LSM8: variants seen among roughly 807,000 people sequenced by gnomAD.
The protein encoded by LSM8 is LSM8 U6 small nuclear RNA associated.
A neutral mutation model predicts 15.0 loss-of-function variants in LSM8; 14 were observed. The observed-to-expected ratio is 0.93, with a 90% confidence interval of 0.62 to 1.46. LSM8 has a LOEUF of 1.46. Among genes scored for constraint, LSM8 ranks in the 40% most tolerant of loss-of-function variants. The pLI is 0.00. For synonymous variants in LSM8, 50 were observed against 42.1 expected, an observed-to-expected ratio of 1.19 and a Z score of -0.73; for missense variants, 90 against 115.4, an observed-to-expected ratio of 0.78 and a Z score of 1.01.
rs1028857254 is a variant in LSM8 at position 118,197,130 on chromosome 7, T to TA, written c.*5129dup. ...CATCAATGTCCCTACAAGGATATGA[T>TA]ACGCTTTCTCTCTTCTCTTTAGGGT... On this transcript the variant is annotated 3_prime_UTR_variant, in exon 4 of 4. Coordinates refer to ENST00000249299, the MANE Select transcript of LSM8 (RefSeq NM_016200.5). Among the ~76,000 whole-genome samples the TA allele has an allele frequency of 3.9e-5, 6 of 152,098 alleles. No homozygotes were observed. Among genetic ancestry groups the TA allele is most frequent in the African/African-American group, 1.4e-4 (6 of 41,434 alleles).
chr7:118,188,178 G>C, intron 2 of LSM8, 100 bp from the exon 3 acceptor site: 1 of 1,333,752 alleles, frequency 7.5e-7, no homozygotes, highest in Non-Finnish European at 1.1e-6. Context: ...ATAGGTACTT[G>C]TATTGGAATA....
rs1164897979 is a variant in LSM8 at position 118,196,196 on chromosome 7, G to A, written c.*4194G>A. ...ATGCTCAAAGCTGTGGATAGGCCAG[G>A]GAACAGTATTCTTGTGCTTGTGAAG... On this transcript the variant is annotated 3_prime_UTR_variant, in exon 4 of 4. Coordinates refer to ENST00000249299, the MANE Select transcript of LSM8 (RefSeq NM_016200.5). 6.6e-6 allele frequency among the ~76,000 whole-genome samples: 1 copy of A among 152,122 alleles called. No individual in the cohort carries two copies. The highest frequency in any genetic ancestry group is 1.5e-5 in the Non-Finnish European group (1 of 68,006).
Position 118,201,482 on chromosome 7 carries a change from A to G in LSM8, c.*9480A>G, listed in dbSNP as rs1809173190. On this transcript the variant is annotated 3_prime_UTR_variant, in exon 4 of 4. Transcript: ENST00000249299. ...GAGCCAAAACGGTTCCTTTGCATCA[A>G]TAAATCGCTCTGTGATGCATTTTAT... Among the ~76,000 whole-genome samples the G allele has an allele frequency of 6.6e-6, 1 of 152,232 alleles. No individual in the cohort carries two copies. The highest frequency in any genetic ancestry group is 2.1e-4 in the South Asian group (1 of 4,826).
rs1025070610 is a variant in LSM8, at chr7:118,184,170, G to A, written c.-54G>A. ...TGCCGGGTTCTGGCGCGCCCTTTCA[G>A]TTCTGCTTGCTGTCGGCACCGCTGC... On this transcript the variant is annotated 5_prime_UTR_variant, in exon 1 of 4. Coordinates refer to ENST00000249299, the MANE Select transcript of LSM8 (RefSeq NM_016200.5). The A allele has an allele frequency of 2.1e-5, 33 of 1,543,844 alleles. No homozygotes were observed. The highest frequency in any genetic ancestry group is 4.0e-5 in the Admixed American group (2 of 50,496).
chr7:118,203,308 A>G lies in LSM8; in HGVS notation c.*11306A>G, dbSNP rs145285757. On this transcript the variant is annotated 3_prime_UTR_variant, in exon 4 of 4. Coordinates refer to ENST00000249299, the MANE Select transcript of LSM8 (RefSeq NM_016200.5). The stretch of plus-strand genomic sequence containing the variant: ...GAAAGAAATATAAACCCCTTTTAAA[A>G]CTCACATAATTTTCCCATTTCCCTT... Among the ~76,000 whole-genome samples, 2,799 of 151,860 alleles carry G rather than the reference A, an allele frequency of 0.018. 43 individuals carry two copies. The highest frequency in any genetic ancestry group is 0.077 in the East Asian group (397 of 5,162).
chr7:118,195,330 C>G lies in LSM8; in HGVS notation c.*3328C>G, dbSNP rs963441419. Among the ~76,000 whole-genome samples, 4 of 152,270 alleles carry G rather than the reference C, an allele frequency of 2.6e-5. No individual in the cohort carries two copies. Among genetic ancestry groups the G allele is most frequent in the Admixed American group, 2.6e-4 (4 of 15,290 alleles). ...AGATAAGGATAATAACAGCTATCTT[C>G]TTGGGTTGTAAAAAGTAGCATTAGA... On this transcript the variant is annotated 3_prime_UTR_variant, in exon 4 of 4. Transcript: ENST00000249299.
At chr7:118,191,884 G>C in intron 3 of LSM8, 28 bp from the exon 4 acceptor site, 2 of 1,516,682 alleles carry the variant, frequency 1.3e-6, no homozygotes, top group Non-Finnish European at 1.8e-6. Flanking sequence ...TTTCAGAAAT[G>C]TGATTGTTTT....
rs1016863437 is a variant in LSM8, at chr7:118,200,204, G to C, written c.*8202G>C. ...ATTGTGCAGTAGCCATGAGGGACTA[G>C]GTATCCAAGTGCACATTATATTGGC... On this transcript the variant is annotated 3_prime_UTR_variant, in exon 4 of 4. Transcript: ENST00000249299. 6.6e-6 allele frequency among the ~76,000 whole-genome samples: 1 copy of C among 152,110 alleles called. No homozygotes were observed. Among genetic ancestry groups the C allele is most frequent in the African/African-American group, 2.4e-5 (1 of 41,426 alleles).
Position 118,198,267 on chromosome 7 carries a change from TAAATGAG to T in LSM8, c.*6275_*6281del, listed in dbSNP as rs1277154496. Among the ~76,000 whole-genome samples the T allele has an allele frequency of 1.3e-5, 2 of 152,148 alleles. No individual in the cohort carries two copies. The highest frequency in any genetic ancestry group is 2.9e-5 in the Non-Finnish European group (2 of 68,024). On this transcript the variant is annotated 3_prime_UTR_variant, in exon 4 of 4. Transcript: ENST00000249299. Reference sequence around the variant, plus strand: ...GTTAGATTTCTTTGGTGTGAAAAGATAAATGAGAAATGAGAATATGCCAGAGATCTGA... The same window carrying T: ...GTTAGATTTCTTTGGTGTGAAAAGATAAATGAGAATATGCCAGAGATCTGA...
chr7:118,187,979 A>G (rs889606054), intron 2 of LSM8, among the ~76,000 whole-genome samples: 1 of 152,162 alleles, frequency 6.6e-6, no homozygotes, highest in African/African-American at 2.4e-5. Context: ...GCTGGTCTAC[A>G]TAAGCTTTTA....
chr7:118,197,359 G>A lies in LSM8; in HGVS notation c.*5357G>A, dbSNP rs1243624112. 6.6e-6 allele frequency among the ~76,000 whole-genome samples: 1 copy of A among 152,028 alleles called. No individual in the cohort carries two copies. The highest frequency in any genetic ancestry group is 1.5e-5 in the Non-Finnish European group (1 of 68,004). ...ACATTGTGTCTTGTATTAAAAACTA[G>A]TGTGTGTTGGGGTGGGGAACAGGCA... On this transcript the variant is annotated 3_prime_UTR_variant, in exon 4 of 4. Coordinates refer to ENST00000249299, the MANE Select transcript of LSM8 (RefSeq NM_016200.5).
Position 118,197,730 on chromosome 7 carries a change from A to G in LSM8, c.*5728A>G, listed in dbSNP as rs1333846343. On this transcript the variant is annotated 3_prime_UTR_variant, in exon 4 of 4. Coordinates refer to ENST00000249299, the MANE Select transcript of LSM8 (RefSeq NM_016200.5). ...ATAGGAGGTATGATTTTTAAAAGGA[A>G]ATTGTTGATTAGGGTCTTGGGCTAG... 6.6e-6 allele frequency among the ~76,000 whole-genome samples: 1 copy of G among 152,132 alleles called. No individual in the cohort carries two copies. Among genetic ancestry groups the G allele is most frequent in the Non-Finnish European group, 1.5e-5 (1 of 68,006 alleles).
At position 118,198,726 on chromosome 7, in the gene LSM8, A is replaced by G. The variant is rs1809121697; in HGVS notation, c.*6724A>G. On this transcript the variant is annotated 3_prime_UTR_variant, in exon 4 of 4. Transcript: ENST00000249299. Reference sequence around the variant, plus strand: ...TGGTTGAGTAATAAGGAGTAGACTGACCTCTCTGTACAGTAAAGGCTCAAA... The same window carrying G: ...TGGTTGAGTAATAAGGAGTAGACTGGCCTCTCTGTACAGTAAAGGCTCAAA... Among the ~76,000 whole-genome samples the G allele has an allele frequency of 6.6e-6, 1 of 152,092 alleles. No individual in the cohort carries two copies. The highest frequency in any genetic ancestry group is 1.5e-5 in the Non-Finnish European group (1 of 68,012).
chr7:118,184,164 C>A lies in LSM8; in HGVS notation c.-60C>A. Reference sequence around the variant, plus strand: ...ATCCGCTGCCGGGTTCTGGCGCGCCCTTTCAGTTCTGCTTGCTGTCGGCAC... The same window carrying A: ...ATCCGCTGCCGGGTTCTGGCGCGCCATTTCAGTTCTGCTTGCTGTCGGCAC... On this transcript the variant is annotated 5_prime_UTR_variant, in exon 1 of 4. Coordinates refer to ENST00000249299, the MANE Select transcript of LSM8 (RefSeq NM_016200.5). 1 of 1,543,064 alleles carries A rather than the reference C, an allele frequency of 6.5e-7. No individual in the cohort carries two copies. Among genetic ancestry groups the A allele is most frequent in the South Asian group, 1.2e-5 (1 of 83,784 alleles).
At position 118,201,072 on chromosome 7, in the gene LSM8, A is replaced by C. The variant is rs1809165457; in HGVS notation, c.*9070A>C. ...CACTCATAGTTACTAAAAATGCAAA[A>C]GGCAAATTTGAAATAACTATAAAAA... On this transcript the variant is annotated 3_prime_UTR_variant, in exon 4 of 4. Coordinates refer to ENST00000249299, the MANE Select transcript of LSM8 (RefSeq NM_016200.5). Among the ~76,000 whole-genome samples, 1 of 152,140 alleles carries C rather than the reference A, an allele frequency of 6.6e-6. No individual in the cohort carries two copies. Among genetic ancestry groups the C allele is most frequent in the Admixed American group, 6.6e-5 (1 of 15,238 alleles).
chr7:118,191,027 C>G (rs558667915), intron 3 of LSM8: 1 of 151,952 alleles, frequency 6.6e-6, no homozygotes, highest in Admixed American at 6.6e-5. Context: ...ATCGCTTGAA[C>G]CTGGTAAGTA....
rs1467142698 is a variant in LSM8, at chr7:118,191,932, A to T, written c.221A>T (p.Asp74Val). Reference protein sequence around the residue: ...GDNVAVIGEIDEETDSALDLG... With the variant: ...GDNVAVIGEIVEETDSALDLG... ...TTTAGTGCAGTCATTGGAGAAATCG[A>T]TGAAGAAACAGATTCTGCGCTTGAT... The change falls in exon 4 of 4, where the codon GAT (aspartate) becomes GTT (valine). Residue 74 changes from aspartate to valine, a missense_variant. Physicochemically the swap from Asp to Val is radical, Grantham distance 152 (BLOSUM62 -3). Coordinates refer to ENST00000249299, the MANE Select transcript of LSM8 (RefSeq NM_016200.5). 1 of 1,612,728 alleles carries T rather than the reference A, an allele frequency of 6.2e-7. No individual in the cohort carries two copies. Among genetic ancestry groups the T allele is most frequent in the South Asian group, 1.1e-5 (1 of 90,928 alleles).
rs1421971971 is a variant in LSM8, at chr7:118,196,745, T to TTTATTTAG, written c.*4745_*4746insATTTAGTT. ...ATTTATTTATTTATTTATTTATTTATTTTTGAGACACTTCTTGCTCTTTCG... is the reference window on the plus strand; with the variant it reads ...ATTTATTTATTTATTTATTTATTTATTTATTTAGTTTTGAGACACTTCTTGCTCTTTCG... On this transcript the variant is annotated 3_prime_UTR_variant, in exon 4 of 4. Transcript: ENST00000249299. Among the ~76,000 whole-genome samples, 7 of 138,516 alleles carry TTTATTTAG rather than the reference T, an allele frequency of 5.1e-5. No homozygotes were observed. Among genetic ancestry groups the TTTATTTAG allele is most frequent in the Admixed American group, 1.5e-4 (2 of 13,372 alleles). The allele number at this position is 138,516 out of a possible 152,430, so 90.9% of individuals were successfully genotyped here.
intron 3 of LSM8, 43 bp from the exon 4 acceptor site, chr7:118,191,869 A>G: frequency 1.4e-6 from 2 of 1,462,528 alleles, no homozygotes; most frequent in Middle Eastern, 1.8e-4. Context: ...AACACATGTA[A>G]TTTATTTCAG....
Sources: gnomAD v4.1 joint callset for allele counts (sites outside exome capture counted in the v4.1 genomes callset) on GRCh38, gnomAD v4.1.1 for gene constraint, MANE v1.5 for transcripts, NCBI Gene and HGNC (gene_info 2026-07-23, HGNC 2026-07-21) for gene names.